The following GPM6A variants were observed in gnomAD, a reference collection of about 807,000 sequenced individuals.
GPM6A encodes neuronal membrane glycoprotein M6-a.
Under a neutral mutation model 32.1 loss-of-function variants are expected in GPM6A, and 7 were observed. That is an observed-to-expected ratio of 0.22 (90% CI 0.12 to 0.41). The LOEUF is 0.41. Among genes scored for constraint, GPM6A ranks in the 10% least tolerant of loss-of-function variants. The pLI is 1.00. For missense variants in GPM6A, 235 were observed against 347.2 expected (o/e 0.68, Z 2.57); for synonymous variants, 130 against 123.4 (o/e 1.05, Z -0.35).
intron 1 of GPM6A, among the ~76,000 whole-genome samples, chr4:175,946,800 C>T (rs1739623254): frequency 6.6e-6 from 1 of 152,088 alleles, no homozygotes; most frequent in Non-Finnish European, 1.5e-5. Flanking sequence ...TTTAAAATGC[C>T]TTTATCCTAC....
intron 2 of GPM6A, among the ~76,000 whole-genome samples, chr4:175,693,278 A>G (rs1744395526): frequency 6.7e-6 from 1 of 148,814 alleles, no homozygotes; most frequent in East Asian, 1.9e-4. Context: ...ACACATATGC[A>G]TACATATATA....
At chr4:175,662,505 C>T (rs1742484890) in intron 3 of GPM6A, among the ~76,000 whole-genome samples, 1 of 151,972 alleles carries the variant, frequency 6.6e-6, no homozygotes, top group South Asian at 2.1e-4. Flanking sequence ...GAGGCTGAGG[C>T]AGGAGAATCA....
At chr4:175,650,115 C>T (rs1411805500) in intron 4 of GPM6A, among the ~76,000 whole-genome samples, 1 of 151,986 alleles carries the variant, frequency 6.6e-6, no homozygotes, top group African/African-American at 2.4e-5. Flanking sequence ...TGTCCATATT[C>T]CCTCTTGCCA....
intron 1 of GPM6A, among the ~76,000 whole-genome samples, chr4:175,960,566 A>G (rs1579666102): frequency 6.6e-6 from 1 of 152,198 alleles, no homozygotes; most frequent in African/African-American, 2.4e-5. Context: ...TCCATTAGCT[A>G]TTTATCCTGA....
In GPM6A at chr4:175,869,891, A is replaced by G. The variant is rs149065410; in HGVS notation, c.-22-57642T>C. Among the ~76,000 whole-genome samples the G allele has an allele frequency of 3.0e-3, 455 of 152,376 alleles. 1 individual carries two copies. The highest frequency in any genetic ancestry group is 8.9e-3 in the South Asian group (43 of 4,832). On this transcript the variant is annotated intron_variant, in intron 1 of 7. Coordinates refer to the GPM6A transcript ENST00000280187. ...TTCCTACCAAGTCTATGATGCAAGTACAATCATTACCTCCATTTACAAGTG... is the reference window on the plus strand; with the variant it reads ...TTCCTACCAAGTCTATGATGCAAGTGCAATCATTACCTCCATTTACAAGTG...
chr4:175,703,850 C>T (rs73002178), intron 1 of GPM6A, among the ~76,000 whole-genome samples: 109 of 152,182 alleles, frequency 7.2e-4, no homozygotes, highest in African/African-American at 2.4e-3. Flanking sequence ...CTCTAGCCAC[C>T]CCACCCCTCA....
intron 1 of GPM6A, among the ~76,000 whole-genome samples, chr4:175,989,351 A>T (rs1204323032): frequency 6.6e-6 from 1 of 152,130 alleles, no homozygotes; most frequent in African/African-American, 2.4e-5. Context: ...TTAAAAGCCA[A>T]GAAAAAGCAA....
intron 2 of GPM6A, among the ~76,000 whole-genome samples, chr4:175,679,805 C>A (rs951459206): frequency 6.6e-6 from 1 of 152,128 alleles, no homozygotes; most frequent in African/African-American, 2.4e-5. Context: ...TAGACTTGAG[C>A]AATAGGAATC....
intron 1 of GPM6A, among the ~76,000 whole-genome samples, chr4:175,847,498 A>T (rs1034969895): frequency 4.6e-5 from 7 of 152,034 alleles, no homozygotes; most frequent in African/African-American, 1.7e-4. Flanking sequence ...GATGCTGCCC[A>T]CCACTCAGTC....
At chr4:175,853,504 C>CTTTTTTTTT (rs70962425) in intron 1 of GPM6A, among the ~76,000 whole-genome samples, 1 of 137,658 alleles carries the variant, frequency 7.3e-6, no homozygotes, top group Non-Finnish European at 1.6e-5. Flanking sequence ...CAAACAAGTT[C>CTTTTTTTTT]TTTTTTTTTT....
chr4:175,812,140 G>GA (rs1384310306), intron 1 of GPM6A, 51 bp downstream of exon 1: 12 of 1,383,550 alleles, frequency 8.7e-6, no homozygotes, highest in Non-Finnish European at 1.2e-5. Flanking sequence ...AGCAAACAAG[G>GA]AAACTGCAAA....
intron 1 of GPM6A, among the ~76,000 whole-genome samples, chr4:175,999,548 C>T (rs761586952): frequency 6.6e-6 from 1 of 151,530 alleles, no homozygotes; most frequent in Admixed American, 6.6e-5. Context: ...TTACAATCAG[C>T]CTTGTGCATT....
chr4:175,894,249 GA>G (rs1010840001), intron 1 of GPM6A, among the ~76,000 whole-genome samples: 8 of 150,904 alleles, frequency 5.3e-5, no homozygotes, highest in African/African-American at 1.9e-4. Flanking sequence ...CTTTTGCTCA[GA>G]AAAAAAAGGA....
chr4:175,948,944 T>C (rs1211662077), intron 1 of GPM6A, among the ~76,000 whole-genome samples: 1 of 145,108 alleles, frequency 6.9e-6, no homozygotes, highest in Non-Finnish European at 1.5e-5. Flanking sequence ...CCAACAAGAC[T>C]GCATTTGGTG....
At chr4:175,853,201 A>G (rs1279470619) in intron 1 of GPM6A, among the ~76,000 whole-genome samples, 1 of 152,134 alleles carries the variant, frequency 6.6e-6, no homozygotes, top group Non-Finnish European at 1.5e-5. Context: ...CTTTATGAAT[A>G]ATTTGCTGCT....
intron 1 of GPM6A, among the ~76,000 whole-genome samples, chr4:175,729,644 C>T (rs1731329026): frequency 6.6e-6 from 1 of 151,492 alleles, no homozygotes; most frequent in South Asian, 2.1e-4. Flanking sequence ...GTGATGGATA[C>T]CCTACTTACT....
At chr4:175,866,313 G>T (rs1579579230) in intron 1 of GPM6A, among the ~76,000 whole-genome samples, 3 of 152,040 alleles carry the variant, frequency 2.0e-5, no homozygotes, top group South Asian at 2.1e-4. Context: ...TTGCCTTAGG[G>T]TTTGCTCTTG....
chr4:175,923,765 G>A (rs907264100), intron 1 of GPM6A, among the ~76,000 whole-genome samples: 2 of 151,960 alleles, frequency 1.3e-5, no homozygotes, highest in African/African-American at 4.8e-5. Context: ...TGTTGCTCAG[G>A]CTGGTATCCA....
At chr4:175,942,855 G>T (rs1739459132) in intron 1 of GPM6A, among the ~76,000 whole-genome samples, 3 of 151,956 alleles carry the variant, frequency 2.0e-5, no homozygotes, top group Admixed American at 2.0e-4. Flanking sequence ...TGTCTTGGCT[G>T]TACAGGTTCT....
Sources: allele counts gnomAD v4.1 joint callset (sites outside exome capture counted in the v4.1 genomes callset), GRCh38; gene constraint gnomAD v4.1.1; transcripts MANE v1.5; gene names NCBI Gene and HGNC (gene_info 2026-07-23, HGNC 2026-07-21).